AGBL4: variants seen among roughly 807,000 people sequenced by gnomAD.
The protein encoded by AGBL4 is cytosolic carboxypeptidase 6.
In AGBL4, 58 loss-of-function variants were observed where a neutral mutation model predicts 66.4. That is an observed-to-expected ratio of 0.87 (90% CI 0.71 to 1.09). The LOEUF is 1.09. Among genes scored for constraint, AGBL4 ranks in the 50% least tolerant of loss-of-function variants. The pLI, the probability that AGBL4 is intolerant of heterozygous loss-of-function variation, is 0.00. For synonymous variants in AGBL4, 234 were observed against 222.9 expected, an observed-to-expected ratio of 1.05 and a Z score of -0.44; for missense variants, 579 against 631.0, an observed-to-expected ratio of 0.92 and a Z score of 0.88.
In AGBL4 at chr1:48,879,653, T is replaced by C. The variant is rs145566305; in HGVS notation, c.595-12423A>G. ...ATAAAAAATTTTAGTGAACATCTAC[T>C]ATGCAAATAATGCTTTATTTATGTT... On this transcript the variant is annotated intron_variant, in intron 5 of 13. Transcript: ENST00000371839. 2.0e-3 allele frequency among the ~76,000 whole-genome samples: 305 copies of C among 152,314 alleles called. 3 individuals carry two copies. Among genetic ancestry groups the C allele is most frequent in the African/African-American group, 7.0e-3 (293 of 41,578 alleles).
intron 1 of AGBL4, among the ~76,000 whole-genome samples, chr1:49,905,568 G>T (rs1026208800): frequency 2.6e-5 from 4 of 152,108 alleles, no homozygotes; most frequent in Admixed American, 6.6e-5. Flanking sequence ...ATATTTGGGG[G>T]CATTAAATTT....
chr1:49,018,344 A>T (rs991657899), intron 5 of AGBL4, among the ~76,000 whole-genome samples: 3 of 152,152 alleles, frequency 2.0e-5, no homozygotes, highest in Non-Finnish European at 4.4e-5. Flanking sequence ...CAATGGAGTC[A>T]GAGTTCCCAA....
intron 3 of AGBL4, among the ~76,000 whole-genome samples, chr1:49,461,949 T>G (rs972773818): frequency 6.6e-6 from 1 of 151,826 alleles, no homozygotes; most frequent in Non-Finnish European, 1.5e-5. Context: ...TGTGTCTTTA[T>G]AGTAGAATGA....
intron 3 of AGBL4, among the ~76,000 whole-genome samples, chr1:49,343,650 A>G (rs1160937230): frequency 6.6e-6 from 1 of 152,208 alleles, no homozygotes; most frequent in African/African-American, 2.4e-5. Context: ...TCCCCATAGC[A>G]TTCCCCTCTT....
intron 2 of AGBL4, among the ~76,000 whole-genome samples, chr1:49,707,868 T>A (rs1647331308): frequency 6.6e-6 from 1 of 152,194 alleles, no homozygotes; most frequent in Non-Finnish European, 1.5e-5. Flanking sequence ...TTAAGAATGT[T>A]GAGTATTGGC....
At chr1:49,578,889 C>G (rs938092331) in intron 3 of AGBL4, among the ~76,000 whole-genome samples, 1 of 152,078 alleles carries the variant, frequency 6.6e-6, no homozygotes, top group African/African-American at 2.4e-5. Context: ...AGTATTGATA[C>G]TGGGTATATC....
intron 5 of AGBL4, among the ~76,000 whole-genome samples, chr1:49,035,729 G>GGT (rs140975530): frequency 0.013 from 1,997 of 149,800 alleles, 27 homozygotes; most frequent in African/African-American, 0.022. Context: ...ACACTCCTGG[G>GGT]GTGTGTGTGT....
chr1:48,590,865 G>A lies in AGBL4; in HGVS notation c.1072C>T (p.Leu358Phe), dbSNP rs1644904453. 2 of 1,604,966 alleles carry A rather than the reference G, an allele frequency of 1.2e-6. No homozygotes were observed. Among genetic ancestry groups the A allele is most frequent in the South Asian group, 1.1e-5 (1 of 88,560 alleles). ...RFQRQAIFPK[L>F]LCQNAEDFSY... Reference sequence around the variant, plus strand: ...AAGTCCTCAGCATTCTGGCAGAGGAGCTTGGGAAAAATGGCCTGCCTCTGG... The same window carrying A: ...AAGTCCTCAGCATTCTGGCAGAGGAACTTGGGAAAAATGGCCTGCCTCTGG... The change falls in exon 10 of 14, where the codon CTC becomes TTC. Residue 358 changes from leucine (L) to phenylalanine (F), a missense_variant. Transcript: ENST00000371839.
Position 48,986,015 on chromosome 1 carries a change from T to C in AGBL4, c.594+59569A>G, listed in dbSNP as rs373737892. On this transcript the variant is annotated intron_variant, in intron 5 of 13. Transcript: ENST00000371839. ...AAAATTATAATATCTGAGATTACAG[T>C]GTACATTGGATGGAAAAATGGCAAA... 5.3e-5 allele frequency among the ~76,000 whole-genome samples: 8 copies of C among 151,948 alleles called. No homozygotes were observed. In the East Asian group the frequency reaches 7.7e-4, roughly 15 times the overall value.
At chr1:48,853,890 C>G (rs149324893) in intron 6 of AGBL4, among the ~76,000 whole-genome samples, 1 of 152,110 alleles carries the variant, frequency 6.6e-6, no homozygotes, top group Non-Finnish European at 1.5e-5. Context: ...ATTTAGACCT[C>G]CATCCCTGAA....
At chr1:49,035,958 A>G (rs1664615822) in intron 5 of AGBL4, among the ~76,000 whole-genome samples, 1 of 152,014 alleles carries the variant, frequency 6.6e-6, no homozygotes, top group Admixed American at 6.6e-5. Context: ...GAAACTGGGG[A>G]CTAGTAGATG....
At chr1:48,823,620 C>T (rs528551062) in intron 6 of AGBL4, among the ~76,000 whole-genome samples, 49 of 152,312 alleles carry the variant, frequency 3.2e-4, no homozygotes, top group Middle Eastern at 6.8e-3. Flanking sequence ...CCTTGCTGCT[C>T]ACACAGCACC....
At chr1:49,094,776 C>A (rs1645063939) in intron 4 of AGBL4, among the ~76,000 whole-genome samples, 1 of 152,150 alleles carries the variant, frequency 6.6e-6, no homozygotes, top group Admixed American at 6.6e-5. Flanking sequence ...AAAACTGGCA[C>A]AAGACAGGGA....
At chr1:49,571,265 C>G (rs1342557247) in intron 3 of AGBL4, among the ~76,000 whole-genome samples, 1 of 152,004 alleles carries the variant, frequency 6.6e-6, no homozygotes, top group African/African-American at 2.4e-5. Flanking sequence ...CAATTTCTTT[C>G]ATAGTGTATT....
intron 3 of AGBL4, among the ~76,000 whole-genome samples, chr1:49,675,263 C>T (rs1379210517): frequency 6.6e-6 from 1 of 151,828 alleles, no homozygotes; most frequent in Non-Finnish European, 1.5e-5. Flanking sequence ...TTTCATGGGC[C>T]CCTTGCCATA....
chr1:48,792,224 A>G (rs1478875462), intron 6 of AGBL4, among the ~76,000 whole-genome samples: 2 of 152,172 alleles, frequency 1.3e-5, no homozygotes, highest in East Asian at 1.9e-4. Context: ...CAAGCAAACT[A>G]AGGAACACCA....
At chr1:48,835,860 A>G (rs1646658776) in intron 6 of AGBL4, among the ~76,000 whole-genome samples, 1 of 152,142 alleles carries the variant, frequency 6.6e-6, no homozygotes, top group Admixed American at 6.6e-5. Flanking sequence ...GAAACCATGT[A>G]AATCACAGAA....
At chr1:49,427,813 T>C (rs1645698356) in intron 3 of AGBL4, among the ~76,000 whole-genome samples, 1 of 152,238 alleles carries the variant, frequency 6.6e-6, no homozygotes, top group Non-Finnish European at 1.5e-5. Flanking sequence ...TATTCCCTTA[T>C]TTGGCCCCGC....
chr1:48,611,451 ATTAC>A (rs1433341279), intron 9 of AGBL4, among the ~76,000 whole-genome samples: 2 of 152,220 alleles, frequency 1.3e-5, no homozygotes, highest in Admixed American at 6.5e-5. Flanking sequence ...TGCAGGGACA[ATTAC>A]TTTTATTTTT....
Sources: gnomAD v4.1 joint callset for allele counts (sites outside exome capture counted in the v4.1 genomes callset) on GRCh38, gnomAD v4.1.1 for gene constraint, MANE v1.5 for transcripts, NCBI Gene and HGNC (gene_info 2026-07-23, HGNC 2026-07-21) for gene names.